AKAP6: variants seen among roughly 807,000 people sequenced by gnomAD.
The protein encoded by AKAP6 is A-kinase anchor protein 6.
Under a neutral mutation model 188.5 loss-of-function variants are expected in AKAP6, and 58 were observed. The observed-to-expected ratio is 0.31, with a 90% CI of 0.25 to 0.38. The LOEUF (loss-of-function observed/expected upper bound fraction) is 0.38. Among genes scored for constraint, AKAP6 ranks in the 10% least tolerant of loss-of-function variants. The probability of loss-of-function intolerance (pLI) is 1.00; values close to 1 mark genes in which losing one functional copy is unlikely to be tolerated. For missense variants in AKAP6, 2,710 were observed against 2,740.0 expected (o/e 0.99, Z 0.24); for synonymous variants, 989 against 998.6 (o/e 0.99, Z 0.18).
chr14:32,577,053 T>C, intron 4 of AKAP6, 67 bp from the exon 5 acceptor site: 1 of 1,547,368 alleles, frequency 6.5e-7, no homozygotes, highest in Non-Finnish European at 8.7e-7. Context: ...ATATTGGCTT[T>C]TTACAGAATA....
At chr14:32,603,575 G>A (rs117382201) in intron 7 of AKAP6, among the ~76,000 whole-genome samples, 3,295 of 152,250 alleles carry the variant, frequency 0.022, 63 homozygotes, top group South Asian at 0.087. Context: ...CCCAGAATCT[G>A]CATTCCAATA....
intron 5 of AKAP6, among the ~76,000 whole-genome samples, chr14:32,584,300 A>C (rs1303668979): frequency 6.6e-6 from 1 of 152,208 alleles, no homozygotes; most frequent in Non-Finnish European, 1.5e-5. Flanking sequence ...CATATACAGC[A>C]TAGAGATGCT....
chr14:32,369,200 G>T (rs1485770562), intron 1 of AKAP6, among the ~76,000 whole-genome samples: 1 of 152,160 alleles, frequency 6.6e-6, no homozygotes, highest in Non-Finnish European at 1.5e-5. Context: ...ACCAAGATAT[G>T]CAGTGAGGTG....
At chr14:32,529,219 G>A (rs569154994) in intron 2 of AKAP6, among the ~76,000 whole-genome samples, 1 of 152,074 alleles carries the variant, frequency 6.6e-6, no homozygotes, top group African/African-American at 2.4e-5. Context: ...ATTTCATTTG[G>A]GGGGATGCTA....
At chr14:32,747,184 A>T (rs941695478) in intron 11 of AKAP6, among the ~76,000 whole-genome samples, 1 of 152,198 alleles carries the variant, frequency 6.6e-6, no homozygotes, top group African/African-American at 2.4e-5. Context: ...ATCATAAGTA[A>T]TCTCACTTCC....
chr14:32,828,714 C>G (rs1258208343), intron 13 of AKAP6, among the ~76,000 whole-genome samples: 1 of 152,190 alleles, frequency 6.6e-6, no homozygotes, highest in Non-Finnish European at 1.5e-5. Context: ...AATCCCTATT[C>G]TGTGGCCAGA....
chr14:32,510,460 GTGTATATA>G (rs1566546907), intron 2 of AKAP6, among the ~76,000 whole-genome samples: 11 of 46,940 alleles, frequency 2.3e-4, no homozygotes, highest in East Asian at 1.7e-3. Flanking sequence ...ACATATATAT[GTGTATATA>G]TATATATACA....
chr14:32,627,636 C>A (rs1887079985), intron 7 of AKAP6, among the ~76,000 whole-genome samples: 1 of 152,034 alleles, frequency 6.6e-6, no homozygotes, highest in African/African-American at 2.4e-5. Flanking sequence ...TCTAGCACAA[C>A]CCTCAGTTCA....
At chr14:32,589,670 T>G (rs1885401473) in intron 5 of AKAP6, among the ~76,000 whole-genome samples, 1 of 152,186 alleles carries the variant, frequency 6.6e-6, no homozygotes, top group South Asian at 2.1e-4. Flanking sequence ...TACCCAGTAG[T>G]TATTGTTTTG....
chr14:32,563,357 A>G (rs912269522), intron 4 of AKAP6, among the ~76,000 whole-genome samples: 1 of 152,174 alleles, frequency 6.6e-6, no homozygotes, highest in Non-Finnish European at 1.5e-5. Flanking sequence ...ATTAAAAATC[A>G]TATCTGCCAC....
intron 11 of AKAP6, among the ~76,000 whole-genome samples, chr14:32,769,092 G>A (rs564986582): frequency 1.8e-5 from 2 of 108,582 alleles, no homozygotes; most frequent in East Asian, 6.5e-4. Flanking sequence ...TTGTAGCCCA[G>A]GCTGCAGTGC....
At chr14:32,602,437 G>A (rs1412165332) in intron 7 of AKAP6, among the ~76,000 whole-genome samples, 1 of 152,072 alleles carries the variant, frequency 6.6e-6, no homozygotes, top group Admixed American at 6.6e-5. Flanking sequence ...TGAGGCTGCA[G>A]GGAGCTAGGA....
At chr14:32,775,242 A>T (rs1482076470) in intron 12 of AKAP6, among the ~76,000 whole-genome samples, 1 of 152,128 alleles carries the variant, frequency 6.6e-6, no homozygotes, top group Admixed American at 6.6e-5. Flanking sequence ...TATACTTTTA[A>T]GCCTGTAATC....
intron 2 of AKAP6, among the ~76,000 whole-genome samples, chr14:32,477,349 A>G (rs1462347960): frequency 6.6e-6 from 1 of 152,154 alleles, no homozygotes; most frequent in Non-Finnish European, 1.5e-5. Flanking sequence ...TGGAATTTCC[A>G]TTGAAGGAGC....
At chr14:32,636,402 G>A (rs1397771945) in intron 7 of AKAP6, among the ~76,000 whole-genome samples, 1 of 152,112 alleles carries the variant, frequency 6.6e-6, no homozygotes, top group Admixed American at 6.6e-5. Flanking sequence ...TGATGTGTGA[G>A]TTTAAATCAA....
chr14:32,666,404 A>G (rs1187609788), intron 7 of AKAP6, among the ~76,000 whole-genome samples: 2 of 152,062 alleles, frequency 1.3e-5, no homozygotes, highest in African/African-American at 2.4e-5. Flanking sequence ...AAGTAAATTT[A>G]TATTAGTTAC....
rs2034824137 is a variant in AKAP6, at chr14:32,831,897, C to T, written c.*2092C>T. ...TATGTAAAATGCTAGGTAATAAGGA[C>T]ACTTTGTACAGGCTGTTTTGCACCT... On this transcript the variant is annotated 3_prime_UTR_variant, in exon 14 of 14. Transcript: ENST00000280979. 1 of 152,146 alleles carries T rather than the reference C, an allele frequency of 6.6e-6. No individual in the cohort carries two copies. 9.4% of individuals were successfully genotyped at this position (152,146 alleles called of 1,614,324 possible).
At position 32,708,112 on chromosome 14, in the gene AKAP6, C is replaced by A. The variant is rs376394394; in HGVS notation, c.3000+12002C>A. Reference sequence around the variant, plus strand: ...TGATTATTTATACATGTGAAGGTAACATGTGCTGTGCAAATGTGAAACCTA... The same window carrying A: ...TGATTATTTATACATGTGAAGGTAAAATGTGCTGTGCAAATGTGAAACCTA... On this transcript the variant is annotated intron_variant, in intron 9 of 13. Coordinates refer to ENST00000280979, the MANE Select transcript of AKAP6 (RefSeq NM_004274.5). Among the ~76,000 whole-genome samples, 443 of 152,156 alleles carry A rather than the reference C, an allele frequency of 2.9e-3. 6 individuals carry two copies. The highest frequency in any genetic ancestry group is 8.9e-3 in the African/African-American group (371 of 41,506).
intron 11 of AKAP6, among the ~76,000 whole-genome samples, chr14:32,761,595 C>T (rs2032540675): frequency 6.6e-6 from 1 of 152,058 alleles, no homozygotes; most frequent in African/African-American, 2.4e-5. Context: ...CTGTCCTCTC[C>T]CATGAGTCAG....
Sources: gnomAD v4.1 joint callset for allele counts (sites outside exome capture counted in the v4.1 genomes callset) on GRCh38, gnomAD v4.1.1 for gene constraint, MANE v1.5 for transcripts, NCBI Gene and HGNC (gene_info 2026-07-23, HGNC 2026-07-21) for gene names.